Variants in CLNK observed in about 807,000 individuals in gnomAD.
The protein encoded by CLNK is cytokine-dependent hematopoietic cell linker.
In CLNK, 74 loss-of-function variants were observed where a neutral mutation model predicts 68.6. The observed-to-expected ratio is 1.08, with a 90% CI of 0.89 to 1.31. The LOEUF is 1.31. Among genes scored for constraint, CLNK ranks in the 50% most tolerant of loss-of-function variants. The pLI is 0.00. For missense variants in CLNK, 553 were observed against 515.3 expected (o/e 1.07, Z -0.71); for synonymous variants, 198 against 172.2 (o/e 1.15, Z -1.17).
At position 10,487,803 on chromosome 4, in the gene CLNK, C is replaced by T. The variant is rs1406814984; in HGVS notation, c.*2664G>A. 1.3e-5 allele frequency: 2 copies of T among 152,124 alleles called. No homozygotes were observed. The highest frequency in any genetic ancestry group is 2.1e-4 in the South Asian group (1 of 4,824). 9.4% of individuals were successfully genotyped at this position (152,124 alleles called of 1,614,324 possible). On this transcript the variant is annotated 3_prime_UTR_variant, in exon 19 of 19. Transcript: ENST00000226951. Reference sequence around the variant, plus strand: ...CCCAGAGCTGTGTCTGAATCTCATGCTTTTTCTCCTCACTCCCCACACCTC... The same window carrying T: ...CCCAGAGCTGTGTCTGAATCTCATGTTTTTTCTCCTCACTCCCCACACCTC...
chr4:10,492,505 CA>C (rs937127233), intron 18 of CLNK, among the ~76,000 whole-genome samples: 1 of 152,164 alleles, frequency 6.6e-6, no homozygotes, highest in African/African-American at 2.4e-5. Flanking sequence ...ATTTCCTATG[CA>C]AACAAATAAT....
chr4:10,678,110 T>G (rs1006469878), intron 1 of CLNK, among the ~76,000 whole-genome samples: 2 of 152,202 alleles, frequency 1.3e-5, no homozygotes, highest in African/African-American at 4.8e-5. Context: ...TCCCCTTGCA[T>G]AATTAACTAT....
intron 4 of CLNK, among the ~76,000 whole-genome samples, chr4:10,584,044 C>T (rs1347130753): frequency 6.6e-6 from 1 of 152,206 alleles, no homozygotes; most frequent in Admixed American, 6.5e-5. Flanking sequence ...AATTTGGTAT[C>T]ATCTACCTTG....
Position 10,608,325 on chromosome 4 carries a change from G to A in CLNK, c.12-10276C>T, listed in dbSNP as rs151235063. ...TGCAGATTGCTCATGCAGTCTCCTC[G>A]GCCTGCTAGGCCCATTCCCTCTCTT... On this transcript the variant is annotated intron_variant, in intron 2 of 18. Coordinates refer to ENST00000226951, the MANE Select transcript of CLNK (RefSeq NM_052964.4). Among the ~76,000 whole-genome samples the A allele has an allele frequency of 5.9e-5, 9 of 152,238 alleles. No individual in the cohort carries two copies. In the East Asian group the frequency reaches 7.7e-4, roughly 13 times the overall value.
At chr4:10,699,512 A>ATATATATATATATATATTT in the CLNK span, among the ~76,000 whole-genome samples, 1 of 32,764 alleles carries the variant, frequency 3.1e-5, no homozygotes, top group African/African-American at 1.2e-4. Context: ...ATATATATAT[A>ATATATATATATATATATTT]TTTTTTTTTT....
intron 2 of CLNK, among the ~76,000 whole-genome samples, chr4:10,643,220 G>A (rs1376424287): frequency 6.6e-6 from 1 of 152,206 alleles, no homozygotes; most frequent in Non-Finnish European, 1.5e-5. Context: ...TGTGATGGCT[G>A]CAGAGAAAGA....
At chr4:10,619,669 G>T (rs997953562) in intron 2 of CLNK, among the ~76,000 whole-genome samples, 1 of 152,164 alleles carries the variant, frequency 6.6e-6, no homozygotes, top group Non-Finnish European at 1.5e-5. Context: ...GAATGGGTTG[G>T]AATAGATCTC....
intron 1 of CLNK, among the ~76,000 whole-genome samples, chr4:10,680,114 A>C (rs1725036726): frequency 6.6e-6 from 1 of 152,100 alleles, no homozygotes; most frequent in South Asian, 2.1e-4. Flanking sequence ...CTCGGAACCA[A>C]CCTAAATGTC....
At chr4:10,623,761 A>G (rs1722550525) in intron 2 of CLNK, among the ~76,000 whole-genome samples, 1 of 152,260 alleles carries the variant, frequency 6.6e-6, no homozygotes, top group African/African-American at 2.4e-5. Context: ...GCAAATAAGC[A>G]ATTTCAGTTC....
upstream of CLNK, among the ~76,000 whole-genome samples, chr4:10,686,280 T>A (rs536658409): frequency 6.6e-6 from 1 of 152,118 alleles, no homozygotes; most frequent in Non-Finnish European, 1.5e-5. Context: ...CAATTTTAAC[T>A]TGATTACCTC....
intron 1 of CLNK, among the ~76,000 whole-genome samples, chr4:10,677,380 T>A (rs1724916073): frequency 6.6e-6 from 1 of 151,944 alleles, no homozygotes; most frequent in Non-Finnish European, 1.5e-5. Context: ...GCCTGAAAAA[T>A]TTGTGAGGGA....
chr4:10,495,763 A>G (rs375418510), intron 18 of CLNK, among the ~76,000 whole-genome samples: 1 of 152,090 alleles, frequency 6.6e-6, no homozygotes, highest in Non-Finnish European at 1.5e-5. Context: ...GATTTTGATG[A>G]GAGAAGAGGA....
At chr4:10,666,754 A>G (rs1453407221) in intron 2 of CLNK, among the ~76,000 whole-genome samples, 3 of 152,216 alleles carry the variant, frequency 2.0e-5, no homozygotes, top group Non-Finnish European at 2.9e-5. Flanking sequence ...TCTGTGGACT[A>G]CGTGCCAGGG....
chr4:10,537,238 G>A (rs1442932320), intron 11 of CLNK, among the ~76,000 whole-genome samples: 2 of 152,200 alleles, frequency 1.3e-5, no homozygotes, highest in African/African-American at 2.4e-5. Flanking sequence ...AGCACTTTGG[G>A]AGGCCAAGGC....
the CLNK span, among the ~76,000 whole-genome samples, chr4:10,707,545 T>G: frequency 6.6e-6 from 1 of 152,226 alleles, no homozygotes; most frequent in Admixed American, 6.5e-5. Flanking sequence ...ATACCTTCCA[T>G]GTATTAATTT....
At chr4:10,560,822 G>A (rs1453470166) in intron 7 of CLNK, among the ~76,000 whole-genome samples, 1 of 152,132 alleles carries the variant, frequency 6.6e-6, no homozygotes, top group Non-Finnish European at 1.5e-5. Context: ...GAATGAGATT[G>A]TCATAAAAAA....
chr4:10,520,041 C>CA (rs923288841), intron 15 of CLNK, among the ~76,000 whole-genome samples: 1 of 11,810 alleles, frequency 8.5e-5, no homozygotes, highest in African/African-American at 2.2e-4. Context: ...GCTTAAGCCC[C>CA]CTTTTTTTTT....
the CLNK span, among the ~76,000 whole-genome samples, chr4:10,699,285 C>CGTGTATACACACACACCACATACGTGT: frequency 4.3e-5 from 2 of 46,196 alleles, no homozygotes; most frequent in Admixed American, 3.9e-4. Context: ...ACACCACATA[C>CGTGTATACACACACACCACATACGTGT]GTGTATACAC....
At chr4:10,534,732 T>C (rs1019102505) in intron 11 of CLNK, among the ~76,000 whole-genome samples, 2 of 152,360 alleles carry the variant, frequency 1.3e-5, no homozygotes, top group Admixed American at 6.5e-5. Flanking sequence ...GATAAAATTA[T>C]GGATTTTTTA....
Sources: allele counts gnomAD v4.1 joint callset (sites outside exome capture counted in the v4.1 genomes callset), GRCh38; gene constraint gnomAD v4.1.1; transcripts MANE v1.5; gene names NCBI Gene and HGNC (gene_info 2026-07-23, HGNC 2026-07-21).